ARID4B: variants seen among roughly 807,000 people sequenced by gnomAD.
The protein encoded by ARID4B is AT-rich interaction domain 4B.
In ARID4B, 26 loss-of-function variants were observed where a neutral mutation model predicts 147.5. The ratio of observed to expected loss-of-function variants is 0.18; its 90% CI spans 0.13 to 0.24. The LOEUF is 0.24. ARID4B is among the 10% of genes least tolerant of loss of function. The probability of loss-of-function intolerance (pLI) is 1.00; values close to 1 mark genes in which losing one functional copy is unlikely to be tolerated. For missense variants in ARID4B, 1,179 were observed against 1,511.5 expected (o/e 0.78, Z 3.65); for synonymous variants, 512 against 507.9 (o/e 1.01, Z -0.11).
chr1:235,310,429 G>C (rs1270571091), intron 2 of ARID4B, among the ~76,000 whole-genome samples: 2 of 152,186 alleles, frequency 1.3e-5, no homozygotes, highest in Non-Finnish European at 2.9e-5. Flanking sequence ...TCAGTTTAAT[G>C]TGTGCCTGTG....
intron 3 of ARID4B, among the ~76,000 whole-genome samples, chr1:235,259,101 C>T (rs1464694899): frequency 6.6e-6 from 1 of 151,828 alleles, no homozygotes; most frequent in African/African-American, 2.4e-5. Flanking sequence ...TTAGGGCAGC[C>T]GAAAAAATTA....
chr1:235,220,785 T>C (rs1402378212), intron 14 of ARID4B, among the ~76,000 whole-genome samples: 1 of 152,234 alleles, frequency 6.6e-6, no homozygotes, highest in East Asian at 1.9e-4. Context: ...GTATTAGTAA[T>C]AGCATCTATT....
intron 2 of ARID4B, among the ~76,000 whole-genome samples, chr1:235,324,744 C>A (rs1369430934): frequency 6.6e-6 from 1 of 152,132 alleles, no homozygotes; most frequent in African/African-American, 2.4e-5. Flanking sequence ...CGACACCAGC[C>A]TGGGCAACAC....
chr1:235,181,484 CACTT>C lies in ARID4B; in HGVS notation c.3334+97_3334+100del, dbSNP rs1190051494. 4.3e-6 allele frequency: 6 copies of C among 1,401,952 alleles called. No individual in the cohort carries two copies. In the African/African-American group the frequency reaches 4.3e-5, roughly 10 times the overall value. The allele number at this position is 1,401,952 out of a possible 1,614,324, so 86.8% of individuals were successfully genotyped here. A position where few individuals can be genotyped will look rare whatever the true frequency, so the allele number is the denominator to read the frequency against. ...TTTTACCATGTTCACACAAATATGACACTTAATCGCCTCAGGTTATAACAAGAGA... is the reference window on the plus strand; with the variant it reads ...TTTTACCATGTTCACACAAATATGACAATCGCCTCAGGTTATAACAAGAGA... On this transcript the variant is annotated intron_variant, in intron 20 of 23. Transcript: ENST00000264183.
intron 2 of ARID4B, among the ~76,000 whole-genome samples, chr1:235,287,385 G>C (rs757919365): frequency 1.3e-5 from 2 of 152,092 alleles, no homozygotes; most frequent in Non-Finnish European, 2.9e-5. Context: ...AAACTGCAGG[G>C]GAGGTTGTAG....
At chr1:235,169,780 G>A (rs1663209163) in intron 23 of ARID4B, among the ~76,000 whole-genome samples, 1 of 151,538 alleles carries the variant, frequency 6.6e-6, no homozygotes, top group South Asian at 2.1e-4. Flanking sequence ...TCCTGTCTCA[G>A]CCTCCTGAGT....
chr1:235,177,009 T>C, intron 21 of ARID4B: 9 of 460,468 alleles, frequency 2.0e-5, no homozygotes, highest in Admixed American at 1.9e-4. Context: ...TTTCTGTGGA[T>C]TGATGCACGG....
intron 17 of ARID4B, among the ~76,000 whole-genome samples, chr1:235,201,561 T>G (rs1665920440): frequency 6.6e-6 from 1 of 152,214 alleles, no homozygotes; most frequent in Admixed American, 6.5e-5. Flanking sequence ...TGGGCTCTAG[T>G]GATTCGCCCA....
In ARID4B at chr1:235,181,939, T is replaced by C; in HGVS notation, c.2980A>G (p.Ser994Gly). The C allele has an allele frequency of 6.2e-7, 1 of 1,614,224 alleles. No individual in the cohort carries two copies. The change falls in exon 20 of 24, where the codon AGT becomes GGT. Residue 994 changes from serine (S) to glycine (G), a missense_variant. Physicochemically the swap from Ser to Gly is moderately conservative, Grantham distance 56. Around this residue, in one of 10 missense-constraint regions of ARID4B, gnomAD observed 357 missense variants for 427.3 expected, o/e 0.84. Transcript: ENST00000264183. The stretch of plus-strand genomic sequence containing the variant: ...ACTGTTTTTTCTTCAATGGGTTTAC[T>C]ATCGACATTGACTGGAGGTGGTTTT... ...LEKPPPVNVDSKPIEEKTVEV... is the reference protein window; with the variant it reads ...LEKPPPVNVDGKPIEEKTVEV...
Position 235,175,244 on chromosome 1 carries a change from G to A in ARID4B, c.3604C>T (p.Pro1202Ser), listed in dbSNP as rs1445833112. ...GKCGKNGDKD[P>S]DLKEPSNRLP... The stretch of plus-strand genomic sequence containing the variant: ...CGATTACTGGGTTCCTTGAGATCAG[G>A]ATCCTTATCACCATTCTTTCCACAT... The change falls in exon 22 of 24, where the codon CCT becomes TCT. Residue 1202 changes from proline to serine, a missense_variant. This residue lies in a region of ARID4B where 357 missense variants were observed against 427.3 expected (regional missense o/e 0.84). Transcript: ENST00000264183. 2.5e-6 allele frequency: 4 copies of A among 1,614,022 alleles called. No individual in the cohort carries two copies. Among genetic ancestry groups the A allele is most frequent in the African/African-American group, 1.3e-5 (1 of 74,912 alleles).
At chr1:235,327,428 C>T (rs1675385330) in intron 1 of ARID4B, 1 of 152,238 alleles carries the variant, frequency 6.6e-6, no homozygotes, top group South Asian at 2.1e-4. Context: ...AGCCCCTGCC[C>T]ACGTCCCGTT....
At chr1:235,313,590 A>G (rs181845858) in intron 2 of ARID4B, among the ~76,000 whole-genome samples, 307 of 152,286 alleles carry the variant, frequency 2.0e-3, no homozygotes, top group African/African-American at 6.8e-3. Context: ...AATTTTTGCC[A>G]TACATAAAAG....
chr1:235,191,040 G>C (rs1285759059), intron 19 of ARID4B, among the ~76,000 whole-genome samples: 14 of 152,140 alleles, frequency 9.2e-5, no homozygotes, highest in Admixed American at 9.2e-4. Flanking sequence ...ATGTGTCAAT[G>C]AAATTCCAGC....
intron 14 of ARID4B, among the ~76,000 whole-genome samples, chr1:235,220,814 T>C (rs1045471939): frequency 7.2e-5 from 11 of 152,204 alleles, no homozygotes; most frequent in Admixed American, 6.5e-5. Context: ...ATTTCTTATG[T>C]GTGAGGCTGG....
chr1:235,309,681 A>G (rs1673906498), intron 2 of ARID4B, among the ~76,000 whole-genome samples: 1 of 151,156 alleles, frequency 6.6e-6, no homozygotes, highest in South Asian at 2.1e-4. Context: ...TGTACCCAAC[A>G]GCTCATTGAG....
At chr1:235,216,031 G>A (rs1213428111) in intron 16 of ARID4B, among the ~76,000 whole-genome samples, 2 of 151,872 alleles carry the variant, frequency 1.3e-5, no homozygotes, top group African/African-American at 4.8e-5. Flanking sequence ...TATATAAATA[G>A]TGATATAAGC....
At chr1:235,196,005 A>G (rs1018655502) in intron 18 of ARID4B, 26 bp downstream of exon 18, 3 of 1,392,306 alleles carry the variant, frequency 2.2e-6, no homozygotes, top group Middle Eastern at 1.8e-4. Flanking sequence ...AAGAGCTAAT[A>G]GTGTGTAGTA....
intron 2 of ARID4B, among the ~76,000 whole-genome samples, chr1:235,306,095 A>G (rs1315380290): frequency 3.3e-5 from 5 of 152,246 alleles, no homozygotes; most frequent in African/African-American, 1.2e-4. Flanking sequence ...GATGACCAGG[A>G]AAGAGGCTGG....
chr1:235,300,733 CAG>C (rs944093296), intron 2 of ARID4B, among the ~76,000 whole-genome samples: 16 of 151,920 alleles, frequency 1.1e-4, no homozygotes, highest in South Asian at 2.1e-4. Context: ...TTTTGTGAGA[CAG>C]AGTCTCGCTC....
Sources: gnomAD v4.1 joint callset for allele counts (sites outside exome capture counted in the v4.1 genomes callset) on GRCh38, gnomAD v4.1.1 for gene constraint, gnomAD v4.1.1 regional missense constraint, MANE v1.5 for transcripts, NCBI Gene and HGNC (gene_info 2026-07-23, HGNC 2026-07-21) for gene names.